Variants in FER observed in about 807,000 individuals in gnomAD.
The protein encoded by FER is FER tyrosine kinase, also known as tyrosine-protein kinase Fer.
FER carries 63 observed loss-of-function variants against 111.0 expected under a neutral mutation model. The observed-to-expected ratio is 0.57, with a 90% CI of 0.46 to 0.70. The LOEUF (loss-of-function observed/expected upper bound fraction) is 0.70. Among genes scored for constraint, FER ranks in the 30% least tolerant of loss-of-function variants. The pLI, the probability that FER is intolerant of heterozygous loss-of-function variation, is 0.00. For synonymous variants in FER, 327 were observed against 313.9 expected, an observed-to-expected ratio of 1.04 and a Z score of -0.44; for missense variants, 914 against 954.0, an observed-to-expected ratio of 0.96 and a Z score of 0.55.
intron 2 of FER, among the ~76,000 whole-genome samples, chr5:108,780,726 G>C (rs1160056989): frequency 6.6e-6 from 1 of 151,292 alleles, no homozygotes; most frequent in Non-Finnish European, 1.5e-5. Context: ...TATTTTTTCT[G>C]TTCCTTTCTC....
At position 108,924,631 on chromosome 5, in the gene FER, A is replaced by G. The variant is rs945998846; in HGVS notation, c.1237-21499A>G. On this transcript the variant is annotated intron_variant, in intron 10 of 19. Coordinates refer to ENST00000281092, the MANE Select transcript of FER (RefSeq NM_005246.4). ...TTGGTAAATTGACTTCCTTGGGCCC[A>G]CTGTCACTATCTCTTAGCTAAATTT... The G allele has an allele frequency of 5.7e-6, 7 of 1,231,600 alleles. No homozygotes were observed. In the Admixed American group the frequency reaches 1.7e-4, roughly 30 times the overall value. 76.3% of individuals were successfully genotyped at this position (1,231,600 alleles called of 1,614,324 possible). A position where few individuals can be genotyped will look rare whatever the true frequency, so the allele number is the denominator to read the frequency against.
intron 13 of FER, among the ~76,000 whole-genome samples, chr5:109,010,181 T>TA (rs1204822867): frequency 2.0e-5 from 3 of 152,092 alleles, no homozygotes; most frequent in Non-Finnish European, 4.4e-5. Context: ...CCTTCTTTTT[T>TA]TTGAGACAGC....
At chr5:109,041,625 CTG>C (rs1417523740) in intron 14 of FER, among the ~76,000 whole-genome samples, 16 of 152,122 alleles carry the variant, frequency 1.1e-4, no homozygotes, top group Non-Finnish European at 2.9e-5. Context: ...GTTCAAGAAA[CTG>C]AGAGTTTGAA....
chr5:109,192,588 C>T lies in FER; in HGVS notation c.*5013C>T, dbSNP rs1047714618. 6.6e-6 allele frequency: 1 copy of T among 152,172 alleles called. No individual in the cohort carries two copies. Among genetic ancestry groups the T allele is most frequent in the Non-Finnish European group, 1.5e-5 (1 of 68,028 alleles). The allele number at this position is 152,172 out of a possible 1,614,324, so 9.4% of individuals were successfully genotyped here. A position where few individuals can be genotyped will look rare whatever the true frequency, so the allele number is the denominator to read the frequency against. On this transcript the variant is annotated 3_prime_UTR_variant, in exon 20 of 20. Transcript: ENST00000281092. Reference sequence around the variant, plus strand: ...AAAGACACTACCCAAAGCTTCTTTACATTTGCATTGGTTATATTTAATATT... The same window carrying T: ...AAAGACACTACCCAAAGCTTCTTTATATTTGCATTGGTTATATTTAATATT...
rs202162884 is a variant in FER at position 108,859,920 on chromosome 5, C to CTATTATTATTATTATTATTATTAT, written c.482-7833_482-7810dup. On this transcript the variant is annotated intron_variant, in intron 5 of 19. Coordinates refer to ENST00000281092, the MANE Select transcript of FER (RefSeq NM_005246.4). ...TAAAAGTAGCAAGATATGTATATAC[C>CTATTATTATTATTATTATTATTAT]TATTATTATTATTATTATTATTATT... Among the ~76,000 whole-genome samples, 33 of 141,596 alleles carry CTATTATTATTATTATTATTATTAT rather than the reference C, an allele frequency of 2.3e-4. 1 individual carries two copies. The highest frequency in any genetic ancestry group is 1.8e-3 in the East Asian group (9 of 4,926). The allele number at this position is 141,596 out of a possible 152,430, so 92.9% of individuals were successfully genotyped here.
intron 13 of FER, among the ~76,000 whole-genome samples, chr5:108,967,759 C>CAAAAAAAAAAAAAAAAAAAAAAAAA (rs774855414): frequency 8.7e-5 from 3 of 34,454 alleles, no homozygotes; most frequent in Non-Finnish European, 1.7e-4. Context: ...GACTCCGTCT[C>CAAAAAAAAAAAAAAAAAAAAAAAAA]AAAAAAAAAA....
chr5:109,047,612 T>C (rs909367782), intron 16 of FER, among the ~76,000 whole-genome samples: 1 of 152,190 alleles, frequency 6.6e-6, no homozygotes, highest in African/African-American at 2.4e-5. Context: ...TTTAATTTTT[T>C]TTTGTAGAAA....
At chr5:108,989,970 T>A (rs1186448545) in intron 13 of FER, among the ~76,000 whole-genome samples, 1 of 151,840 alleles carries the variant, frequency 6.6e-6, no homozygotes, top group Non-Finnish European at 1.5e-5. Context: ...GGTCAAGGAG[T>A]ATGTCATAAT....
chr5:108,912,956 G>T (rs1751759213), intron 10 of FER, among the ~76,000 whole-genome samples: 1 of 152,154 alleles, frequency 6.6e-6, no homozygotes, highest in Admixed American at 6.5e-5. Context: ...TACTCTTGGA[G>T]ATGAAGCCAT....
At chr5:109,102,211 C>T (rs951319235) in intron 17 of FER, among the ~76,000 whole-genome samples, 1 of 152,038 alleles carries the variant, frequency 6.6e-6, no homozygotes, top group East Asian at 1.9e-4. Context: ...TTGTTTTTCC[C>T]ACTTTGCTTT....
chr5:108,757,198 A>G (rs1476314357), intron 1 of FER, among the ~76,000 whole-genome samples: 2 of 152,276 alleles, frequency 1.3e-5, no homozygotes, highest in South Asian at 2.1e-4. Context: ...GAGCAACTCT[A>G]AAGGTCTATG....
intron 9 of FER, among the ~76,000 whole-genome samples, chr5:108,887,523 A>G (rs547655766): frequency 9.2e-5 from 14 of 151,792 alleles, no homozygotes; most frequent in African/African-American, 3.1e-4. Flanking sequence ...AATTTTATTT[A>G]AAAAATATAG....
chr5:108,758,028 AG>A (rs913346012), intron 1 of FER, among the ~76,000 whole-genome samples: 4 of 152,208 alleles, frequency 2.6e-5, no homozygotes, highest in African/African-American at 7.2e-5. Flanking sequence ...ATTTTGAAAG[AG>A]GATGAAGATG....
chr5:109,099,929 AT>A (rs1355320110), intron 16 of FER, among the ~76,000 whole-genome samples: 3 of 151,624 alleles, frequency 2.0e-5, no homozygotes, highest in African/African-American at 7.2e-5. Flanking sequence ...GAATAGTCTA[AT>A]TTTTTAAGCA....
At chr5:108,897,584 C>A in intron 9 of FER, 75 bp from the exon 10 acceptor site, 1 of 1,070,030 alleles carries the variant, frequency 9.3e-7, no homozygotes. Context: ...CAAAGAAAAG[C>A]ATAATTTACA....
intron 16 of FER, among the ~76,000 whole-genome samples, chr5:109,075,428 A>ATTTTTTT (rs749923297): frequency 1.6e-5 from 2 of 128,544 alleles, no homozygotes; most frequent in Non-Finnish European, 1.6e-5. Flanking sequence ...TTTGCTTAGC[A>ATTTTTTT]TTTTTTTTTT....
intron 1 of FER, among the ~76,000 whole-genome samples, chr5:108,766,863 G>C (rs573380745): frequency 6.6e-6 from 1 of 152,172 alleles, no homozygotes; most frequent in African/African-American, 2.4e-5. Flanking sequence ...AAAGTGAGAC[G>C]TTGTAACAGG....
intron 17 of FER, among the ~76,000 whole-genome samples, chr5:109,102,498 C>T (rs917793321): frequency 1.3e-5 from 2 of 152,152 alleles, no homozygotes; most frequent in African/African-American, 2.4e-5. Flanking sequence ...TGCCAGGGTA[C>T]TCACGAGTAT....
intron 3 of FER, among the ~76,000 whole-genome samples, chr5:108,814,061 T>C (rs1242077044): frequency 6.6e-6 from 1 of 151,816 alleles, no homozygotes; most frequent in Non-Finnish European, 1.5e-5. Flanking sequence ...TATTCTTTCC[T>C]CTAGTTTTGT....
Sources: allele counts gnomAD v4.1 joint callset (sites outside exome capture counted in the v4.1 genomes callset), GRCh38; gene constraint gnomAD v4.1.1; transcripts MANE v1.5; gene names NCBI Gene and HGNC (gene_info 2026-07-23, HGNC 2026-07-21).